The following ZCCHC7 variants were observed in gnomAD, a reference collection of about 807,000 sequenced individuals.
ZCCHC7 encodes the protein zinc finger CCHC domain-containing protein 7.
In ZCCHC7, 35 loss-of-function variants were observed where a neutral mutation model predicts 52.0. The ratio of observed to expected loss-of-function variants is 0.67; its 90% confidence interval spans 0.51 to 0.89. ZCCHC7 has a LOEUF of 0.89. Among genes scored for constraint, ZCCHC7 ranks in the 40% least tolerant of loss-of-function variants. The pLI is 0.00. For missense variants in ZCCHC7, 574 were observed against 649.1 expected, an observed-to-expected ratio of 0.88 and a Z score of 1.26; for synonymous variants, 217 against 221.5, an observed-to-expected ratio of 0.98 and a Z score of 0.18.
rs576675473 is a variant in ZCCHC7 at position 37,167,040 on chromosome 9, T to C, written c.610+40098T>C. Among the ~76,000 whole-genome samples, 13 of 152,336 alleles carry C rather than the reference T, an allele frequency of 8.5e-5. No homozygotes were observed. The East Asian group carries it at 2.5e-3, about 29-fold the overall frequency. On this transcript the variant is annotated intron_variant, in intron 2 of 8. Transcript: ENST00000336755. ...AGATTTTGGAAAATTTCAAAAAATT[T>C]CTTTCAGTTTTTTGGCCCTCTTTGG...
intron 2 of ZCCHC7, among the ~76,000 whole-genome samples, chr9:37,182,412 G>T (rs1018338149): frequency 6.8e-6 from 1 of 147,444 alleles, no homozygotes; most frequent in Non-Finnish European, 1.5e-5. Context: ...ATGTAGTTTC[G>T]CTCTGTCACC....
rs1051736353 is a variant in ZCCHC7 at position 37,132,073 on chromosome 9, G to C, written c.610+5131G>C. 3.3e-5 allele frequency among the ~76,000 whole-genome samples: 5 copies of C among 151,732 alleles called. No homozygotes were observed. In the East Asian group the frequency reaches 5.8e-4, roughly 18 times the overall value. ...TGTTCTATCGTTTGTTTTCCTTCTT[G>C]ATTCCCGCCCCTTCCTTTTTTTTTA... On this transcript the variant is annotated intron_variant, in intron 2 of 8. Transcript: ENST00000336755.
At chr9:37,125,205 A>G (rs967091735) in intron 1 of ZCCHC7, among the ~76,000 whole-genome samples, 1 of 151,948 alleles carries the variant, frequency 6.6e-6, no homozygotes. Flanking sequence ...GCTGGAGTAC[A>G]ATGGTATGAG....
chr9:37,357,948 AT>A lies in ZCCHC7; in HGVS notation c.*686del, dbSNP rs1471888382. 2 of 152,102 alleles carry A rather than the reference AT, an allele frequency of 1.3e-5. No individual in the cohort carries two copies. Among genetic ancestry groups the A allele is most frequent in the Non-Finnish European group, 2.9e-5 (2 of 68,018 alleles). 9.4% of individuals were successfully genotyped at this position (152,102 alleles called of 1,614,324 possible). A position where few individuals can be genotyped will look rare whatever the true frequency, so the allele number is the denominator to read the frequency against. ...ATTTTAACATAATCACAATGAAATCATTTTTTACCACTTTTACAGCGGTGTT... is the reference window on the plus strand; with the variant it reads ...ATTTTAACATAATCACAATGAAATCATTTTTACCACTTTTACAGCGGTGTT... On this transcript the variant is annotated 3_prime_UTR_variant, in exon 9 of 9. Transcript: ENST00000336755.
chr9:37,320,987 C>CTTTTT (rs11303114), intron 5 of ZCCHC7, among the ~76,000 whole-genome samples: 9 of 116,190 alleles, frequency 7.7e-5, no homozygotes, highest in Non-Finnish European at 1.2e-4. Flanking sequence ...TTTCTTTTTT[C>CTTTTT]TTTTTTTTTT....
chr9:37,151,709 G>A (rs1380785241), intron 2 of ZCCHC7, among the ~76,000 whole-genome samples: 1 of 152,112 alleles, frequency 6.6e-6, no homozygotes, highest in African/African-American at 2.4e-5. Flanking sequence ...GGAGCCTGGG[G>A]CAGGAGAATC....
At chr9:37,311,814 TGTA>T (rs1201379935) in intron 5 of ZCCHC7, among the ~76,000 whole-genome samples, 1 of 152,238 alleles carries the variant, frequency 6.6e-6, no homozygotes, top group Non-Finnish European at 1.5e-5. Context: ...GTTTAAACTG[TGTA>T]GTATTTAACA....
intron 6 of ZCCHC7, among the ~76,000 whole-genome samples, chr9:37,338,142 T>G (rs1830761389): frequency 6.6e-6 from 1 of 152,164 alleles, no homozygotes; most frequent in Admixed American, 6.6e-5. Context: ...GTTCTCTGCT[T>G]ACTGAGGTTT....
chr9:37,180,237 T>A (rs933057898), intron 2 of ZCCHC7, among the ~76,000 whole-genome samples: 2 of 151,682 alleles, frequency 1.3e-5, no homozygotes, highest in Non-Finnish European at 2.9e-5. Context: ...GAATGCTAAT[T>A]GGTCTGTTTA....
chr9:37,127,609 A>G (rs1842600869), intron 2 of ZCCHC7, among the ~76,000 whole-genome samples: 2 of 152,072 alleles, frequency 1.3e-5, no homozygotes, highest in Non-Finnish European at 2.9e-5. Context: ...GTTCCTTTTC[A>G]TTTCCCTCCC....
At chr9:37,173,277 C>G (rs1821840757) in intron 2 of ZCCHC7, among the ~76,000 whole-genome samples, 2 of 152,158 alleles carry the variant, frequency 1.3e-5, no homozygotes, top group Admixed American at 6.6e-5. Context: ...TTTCTGAGTT[C>G]CTTCTCTTTC....
intron 2 of ZCCHC7, among the ~76,000 whole-genome samples, chr9:37,227,547 T>C (rs1259376073): frequency 6.6e-6 from 1 of 152,184 alleles, no homozygotes; most frequent in African/African-American, 2.4e-5. Flanking sequence ...CTTTTCTAAA[T>C]ATATACCTTA....
chr9:37,301,201 T>TAG (rs1157058358), intron 2 of ZCCHC7, among the ~76,000 whole-genome samples: 1 of 152,258 alleles, frequency 6.6e-6, no homozygotes, highest in Admixed American at 6.5e-5. Context: ...GCCTGCAAGT[T>TAG]AACTGATACT....
At chr9:37,254,473 A>G (rs79297229) in intron 2 of ZCCHC7, among the ~76,000 whole-genome samples, 1 of 150,796 alleles carries the variant, frequency 6.6e-6, no homozygotes, top group African/African-American at 2.4e-5. Context: ...AGACTCCCAC[A>G]AAAAAAAAGA....
chr9:37,211,390 T>G (rs1564181254), intron 2 of ZCCHC7, among the ~76,000 whole-genome samples: 2 of 152,292 alleles, frequency 1.3e-5, no homozygotes, highest in Middle Eastern at 3.4e-3. Context: ...GGTTTTGGTT[T>G]TTTAATAACA....
intron 2 of ZCCHC7, among the ~76,000 whole-genome samples, chr9:37,185,317 TC>T (rs147433099): frequency 0.044 from 6,673 of 152,316 alleles, 236 homozygotes; most frequent in Non-Finnish European, 0.062. Flanking sequence ...TAGGCAGTCT[TC>T]CTGGGTGTTC....
Position 37,354,415 on chromosome 9 carries a change from G to C in ZCCHC7, c.1084-295G>C, listed in dbSNP as rs567840127. Among the ~76,000 whole-genome samples, 5 of 152,276 alleles carry C rather than the reference G, an allele frequency of 3.3e-5. No individual in the cohort carries two copies. The highest frequency in any genetic ancestry group is 5.9e-5 in the Non-Finnish European group (4 of 68,022). On this transcript the variant is annotated intron_variant, in intron 7 of 8. Transcript: ENST00000336755. The surrounding 1 kb of genome is among the most constrained non-coding windows in gnomAD (Gnocchi z 4.0). ...ATAAACCCACTAACAGAGCGGCAAG[G>C]CTGCTACCTCAGACTGTGAAAGGAG...
rs571828676 is a variant in ZCCHC7, at chr9:37,216,343, C to T, written c.611-85845C>T. ...ATTGTGAGACATTATTTTATTTATA[C>T]CTTTCCAATTTTATTTGCTCTAAAT... On this transcript the variant is annotated intron_variant, in intron 2 of 8. Transcript: ENST00000336755. 1.8e-3 allele frequency among the ~76,000 whole-genome samples: 277 copies of T among 152,242 alleles called. 3 individuals are homozygous for T. The South Asian group carries it at 0.019, about 11-fold the overall frequency.
chr9:37,131,426 A>G (rs1304650825), intron 2 of ZCCHC7, among the ~76,000 whole-genome samples: 1 of 151,196 alleles, frequency 6.6e-6, no homozygotes, highest in Non-Finnish European at 1.5e-5. Flanking sequence ...TGGGTGGATC[A>G]CTTGAGGTCA....
Sources: gnomAD v4.1 joint callset for allele counts (sites outside exome capture counted in the v4.1 genomes callset) on GRCh38, gnomAD v4.1.1 for gene constraint, Gnocchi (gnomAD v3.1) non-coding constraint, MANE v1.5 for transcripts, NCBI Gene and HGNC (gene_info 2026-07-23, HGNC 2026-07-21) for gene names.